The following RTKN2 variants were observed in gnomAD, a reference collection of about 807,000 sequenced individuals.
The protein encoded by RTKN2 is rhotekin-2.
A neutral mutation model predicts 71.5 loss-of-function variants in RTKN2; 69 were observed. The observed-to-expected ratio is 0.96, with a 90% CI of 0.79 to 1.18. The LOEUF is 1.18. Among genes scored for constraint, RTKN2 ranks in the 50% most tolerant of loss-of-function variants. The probability of loss-of-function intolerance (pLI) is 0.00; values close to 1 mark genes in which losing one functional copy is unlikely to be tolerated. For missense variants in RTKN2, 724 were observed against 719.7 expected, an observed-to-expected ratio of 1.01 and a Z score of -0.07; for synonymous variants, 236 against 236.5, an observed-to-expected ratio of 1.00 and a Z score of 0.02.
At chr10:62,259,163 G>A (rs1051037249) in intron 2 of RTKN2, 1 of 451,860 alleles carries the variant, frequency 2.2e-6, no homozygotes, top group Admixed American at 2.4e-5. Context: ...CCCTGCACAT[G>A]ATCTCTTGCC....
chr10:62,262,707 TGAGATTCTTAACTG>T lies in RTKN2; in HGVS notation c.161_174del (p.Ala54AspfsTer29). 8.8e-6 allele frequency: 14 copies of T among 1,598,480 alleles called. No individual in the cohort carries two copies. Among genetic ancestry groups the T allele is most frequent in the Non-Finnish European group, 1.2e-5 (14 of 1,166,266 alleles). On this transcript the variant is annotated frameshift_variant, in exon 2 of 12. Coordinates refer to ENST00000373789, the MANE Select transcript of RTKN2 (RefSeq NM_145307.4). LOFTEE classifies it high-confidence loss of function. The stretch of plus-strand genomic sequence containing the variant: ...GCCATTAGTCGAGCATTGCACACCA[TGAGATTCTTAACTG>T]CATGTAAAACTTGATCTTTCTGAGT...
Position 62,199,744 on chromosome 10 carries a change from C to A in RTKN2, c.1294+10G>T, listed in dbSNP as rs200927354. 3.3e-6 allele frequency: 5 copies of A among 1,535,346 alleles called. No individual in the cohort carries two copies. In the Admixed American group the frequency reaches 6.7e-5, roughly 21 times the overall value. ...TATCCTGCAGCTTAGAAAAGACAAA[C>A]CCCACTTACTCATATCATGGTAGAC... is the stretch of plus-strand genomic sequence containing the variant. On this transcript the variant is annotated intron_variant, in intron 11 of 11. Coordinates refer to ENST00000373789, the MANE Select transcript of RTKN2 (RefSeq NM_145307.4).
intron 3 of RTKN2, among the ~76,000 whole-genome samples, chr10:62,245,071 T>G (rs1014830743): frequency 6.6e-6 from 1 of 152,122 alleles, no homozygotes; most frequent in Non-Finnish European, 1.5e-5. Flanking sequence ...AAAATATTTG[T>G]AAAAGTGCAT....
At chr10:62,262,937 T>G (rs1248114838) in intron 1 of RTKN2, 116 bp from the exon 2 acceptor site, 1 of 599,114 alleles carries the variant, frequency 1.7e-6, no homozygotes, top group Non-Finnish European at 2.9e-6. Context: ...CAACAAAGTT[T>G]TAATATATGT....
chr10:62,251,597 C>A (rs1470695468), intron 2 of RTKN2, among the ~76,000 whole-genome samples: 1 of 152,122 alleles, frequency 6.6e-6, no homozygotes, highest in Non-Finnish European at 1.5e-5. Context: ...ATAATCAAAA[C>A]TCTTCATTTG....
chr10:62,262,568 G>A, intron 2 of RTKN2, 57 bp downstream of exon 2: 1 of 1,200,070 alleles, frequency 8.3e-7, no homozygotes, highest in Admixed American at 2.2e-5. Context: ...ATTATACTGT[G>A]TTTTAAATTT....
rs114505928 is a variant in RTKN2, at chr10:62,252,938, T to C, written c.258-6881A>G. On this transcript the variant is annotated intron_variant, in intron 2 of 11. Coordinates refer to ENST00000373789, the MANE Select transcript of RTKN2 (RefSeq NM_145307.4). ...CCAAAATTTAAGAAAACAGACCACA[T>C]AGTAAAAGACTAATTATAATACACA... 3.3e-3 allele frequency among the ~76,000 whole-genome samples: 497 copies of C among 152,126 alleles called. 3 individuals carry two copies. Among genetic ancestry groups the C allele is most frequent in the African/African-American group, 0.011 (468 of 41,550 alleles).
chr10:62,230,993 T>C (rs1305725434), intron 6 of RTKN2, among the ~76,000 whole-genome samples: 2 of 152,192 alleles, frequency 1.3e-5, no homozygotes, highest in African/African-American at 2.4e-5. Context: ...AGTAACTTCT[T>C]AGTTATGTTT....
At position 62,196,955 on chromosome 10, in the gene RTKN2, A is replaced by G; in HGVS notation, c.*953T>C. 1 of 978,986 alleles carries G rather than the reference A, an allele frequency of 1.0e-6. No individual in the cohort carries two copies. The highest frequency in any genetic ancestry group is 1.2e-6 in the Non-Finnish European group (1 of 824,244). 60.6% of individuals were successfully genotyped at this position (978,986 alleles called of 1,614,324 possible). A position where few individuals can be genotyped will look rare whatever the true frequency, so the allele number is the denominator to read the frequency against. On this transcript the variant is annotated 3_prime_UTR_variant, in exon 12 of 12. Coordinates refer to ENST00000373789, the MANE Select transcript of RTKN2 (RefSeq NM_145307.4). ...CCAATGTCACTGTTGTAAGAATATG[A>G]CATTTAATGAAAAATACCACTAGCA...
chr10:62,198,047 G>A lies in RTKN2; in HGVS notation c.1691C>T (p.Pro564Leu). Residue 564 changes from proline to leucine, a missense_variant, in exon 12 of 12, where the codon CCT becomes CTT. Transcript: ENST00000373789. Reference sequence around the variant, plus strand: ...ATCACTTAATCTATTTCTCCTGGCAGGCAGAAGTTTTCGAGGAGCAGCCAT... The same window carrying A: ...ATCACTTAATCTATTTCTCCTGGCAAGCAGAAGTTTTCGAGGAGCAGCCAT... ...KPMAAPRKLL[P>L]ARRNRLSDGE... is the part of the protein sequence containing the mutation. The A allele has an allele frequency of 1.2e-6, 2 of 1,614,046 alleles. No individual in the cohort carries two copies. The highest frequency in any genetic ancestry group is 1.7e-6 in the Non-Finnish European group (2 of 1,179,962).
chr10:62,255,534 A>G, intron 2 of RTKN2, among the ~76,000 whole-genome samples: 1 of 152,238 alleles, frequency 6.6e-6, no homozygotes, highest in Non-Finnish European at 1.5e-5. Context: ...TTTATAGAAG[A>G]GTATCAGCCA....
Position 62,262,765 on chromosome 10 carries a change from C to T in RTKN2, c.117G>A (p.Trp39Ter). ...DLEIRMREGI[W>*]KLLSLSTQKD... Reference sequence around the variant, plus strand: ...TCTGAGTGCTCAGAGAAAGGAGTTTCCATATTCCTTCTCGCATTCGAATTT... The same window carrying T: ...TCTGAGTGCTCAGAGAAAGGAGTTTTCATATTCCTTCTCGCATTCGAATTT... Residue 39 changes from tryptophan (W) to a stop codon, truncating the protein, a stop_gained, in exon 2 of 12, where the codon TGG becomes TGA. Coordinates refer to ENST00000373789, the MANE Select transcript of RTKN2 (RefSeq NM_145307.4). LOFTEE classifies it high-confidence loss of function. The T allele has an allele frequency of 6.2e-7, 1 of 1,612,848 alleles. No homozygotes were observed. Among genetic ancestry groups the T allele is most frequent in the Non-Finnish European group, 8.5e-7 (1 of 1,179,344 alleles).
intron 6 of RTKN2, among the ~76,000 whole-genome samples, chr10:62,232,414 A>T (rs1252402992): frequency 6.6e-6 from 1 of 150,716 alleles, no homozygotes; most frequent in East Asian, 1.9e-4. Context: ...TCCCAGGCTC[A>T]GGTGATCCTC....
Position 62,184,409 on chromosome 10 carries a change from C to T in RTKN2, c.862-22G>A. On this transcript the variant is annotated intron_variant, in intron 8 of 8. Transcript: ENST00000315289. ...TATTCTGAAAAACAAAAAAAATCAC[C>T]TTTAGTCACCCACAGAGGTAAAGAG... 2.2e-6 allele frequency: 3 copies of T among 1,393,806 alleles called. No individual in the cohort carries two copies. In the South Asian group the frequency reaches 3.8e-5, roughly 18 times the overall value. The allele number at this position is 1,393,806 out of a possible 1,614,324, so 86.3% of individuals were successfully genotyped here.
intron 9 of RTKN2, among the ~76,000 whole-genome samples, chr10:62,212,251 C>A (rs896127518): frequency 6.6e-6 from 1 of 151,864 alleles, no homozygotes; most frequent in African/African-American, 2.4e-5. Context: ...TGCCTATAAT[C>A]CCAGCTACTC....
intron 6 of RTKN2, among the ~76,000 whole-genome samples, chr10:62,235,658 T>C (rs1428481964): frequency 9.5e-6 from 1 of 105,214 alleles, no homozygotes; most frequent in Non-Finnish European, 1.9e-5. Flanking sequence ...TCAGGCTATA[T>C]GTATAAGGTG....
At chr10:62,184,287 T>C (rs975977561) in exon 9 of RTKN2, 34 of 1,373,160 alleles carry the variant, frequency 2.5e-5, no homozygotes, top group Non-Finnish European at 3.4e-5. Flanking sequence ...GTATTTTAAA[T>C]TTTTCACACT....
chr10:62,216,983 A>T, intron 9 of RTKN2, 135 bp downstream of exon 9: 1 of 530,928 alleles, frequency 1.9e-6, no homozygotes, highest in Non-Finnish European at 3.0e-6. Context: ...GAAACAGATT[A>T]AATCATATTT....
chr10:62,265,803 C>G (rs889027794), intron 1 of RTKN2, among the ~76,000 whole-genome samples: 6 of 152,056 alleles, frequency 3.9e-5, no homozygotes, highest in African/African-American at 9.7e-5. Flanking sequence ...CTATCCCCAG[C>G]AAGAATAATG....
Sources: gnomAD v4.1 joint callset for allele counts (sites outside exome capture counted in the v4.1 genomes callset) on GRCh38, gnomAD v4.1.1 for gene constraint, MANE v1.5 for transcripts, NCBI Gene and HGNC (gene_info 2026-07-23, HGNC 2026-07-21) for gene names.